The following ZNF710 variants were observed in gnomAD, a reference collection of about 807,000 sequenced individuals.
ZNF710 encodes the protein zinc finger protein 710.
ZNF710 carries 13 observed loss-of-function variants against 50.6 expected under a neutral mutation model. That is an observed-to-expected ratio of 0.26 (90% CI 0.17 to 0.41). The LOEUF is 0.41. ZNF710 is among the 10% of genes least tolerant of loss of function. The pLI is 1.00. For synonymous variants in ZNF710, 383 were observed against 397.0 expected, an observed-to-expected ratio of 0.96 and a Z score of 0.42; for missense variants, 721 against 936.6, an observed-to-expected ratio of 0.77 and a Z score of 3.01.
intron 1 of ZNF710, among the ~76,000 whole-genome samples, chr15:90,047,612 G>A (rs919447311): frequency 6.8e-5 from 10 of 146,422 alleles, no homozygotes; most frequent in African/African-American, 2.6e-4. Flanking sequence ...TTGAGACAGA[G>A]TCTTGCTCTG....
At chr15:90,078,116 C>T (rs997746784) in intron 4 of ZNF710, among the ~76,000 whole-genome samples, 2 of 149,314 alleles carry the variant, frequency 1.3e-5, no homozygotes, top group African/African-American at 4.9e-5. Context: ...GAGGCTGAGG[C>T]AGGAGAATCG....
chr15:90,022,204 C>T (rs922865937), intron 1 of ZNF710, among the ~76,000 whole-genome samples: 2 of 151,814 alleles, frequency 1.3e-5, no homozygotes, highest in Non-Finnish European at 2.9e-5. Flanking sequence ...AGTGAAACCC[C>T]ATCTCTACTA....
Position 90,068,233 on chromosome 15 carries a change from C to A in ZNF710, c.1096C>A (p.Leu366Ile). 6.2e-7 allele frequency: 1 copy of A among 1,613,638 alleles called. No homozygotes were observed. The change falls in exon 2 of 5, where the codon CTC becomes ATC. Residue 366 changes from leucine to isoleucine, a missense_variant. Leu to Ile is a conservative substitution (Grantham distance 5, BLOSUM62 2). Coordinates refer to ENST00000268154, the MANE Select transcript of ZNF710 (RefSeq NM_198526.4). The surrounding 1 kb of genome is among the most constrained non-coding windows in gnomAD (Gnocchi z 5.0). Reference sequence around the variant, plus strand: ...CAAGGCCTTCACGCAGACCAGCCACCTCAAGCGCCACATGCTGCTGCACTC... The same window carrying A: ...CAAGGCCTTCACGCAGACCAGCCACATCAAGCGCCACATGCTGCTGCACTC... ...CHKAFTQTSHLKRHMLLHSEV... is the reference protein window; with the variant it reads ...CHKAFTQTSHIKRHMLLHSEV...
At position 90,073,270 on chromosome 15, in the gene ZNF710, G is replaced by T. The variant is rs960949703; in HGVS notation, c.1650+8G>T. On this transcript the variant is annotated splice_region_variant and intron_variant, in intron 3 of 4. Transcript: ENST00000268154. ...AAGCCATTCAAATGCAAGGTACCCG[G>T]TCATCAGGCCCCGGGGCTGGGACCT... The T allele has an allele frequency of 1.2e-6, 2 of 1,609,568 alleles. No individual in the cohort carries two copies. Among genetic ancestry groups the T allele is most frequent in the Non-Finnish European group, 1.7e-6 (2 of 1,176,252 alleles).
At chr15:90,038,417 C>T (rs756676239) in intron 1 of ZNF710, among the ~76,000 whole-genome samples, 39 of 152,170 alleles carry the variant, frequency 2.6e-4, no homozygotes, top group Admixed American at 5.9e-4. Flanking sequence ...CTCTCTTTCA[C>T]GTGGTTTTGC....
At chr15:90,053,551 G>A (rs1482267916) in intron 1 of ZNF710, among the ~76,000 whole-genome samples, 1 of 152,072 alleles carries the variant, frequency 6.6e-6, no homozygotes, top group African/African-American at 2.4e-5. Flanking sequence ...TGTTGCCCAG[G>A]GTGGTCTCGA....
In ZNF710 at chr15:90,079,779, G is replaced by C; in HGVS notation, c.1945G>C (p.Val649Leu). ...ASVDSSAEASVLTEQAMKEMA... is the reference protein window; with the variant it reads ...ASVDSSAEASLLTEQAMKEMA... ...CGTGGACAGCAGCGCCGAGGCCAGTGTCCTCACTGAACAGGCCATGAAAGA... is the reference window on the plus strand; with the variant it reads ...CGTGGACAGCAGCGCCGAGGCCAGTCTCCTCACTGAACAGGCCATGAAAGA... Residue 649 changes from valine (V) to leucine (L), a missense_variant, in exon 5 of 5, where the codon GTC becomes CTC. This residue lies in a region of ZNF710 where 69 missense variants were observed against 67.6 expected (regional missense o/e 1.02). Coordinates refer to ENST00000268154, the MANE Select transcript of ZNF710 (RefSeq NM_198526.4). The C allele has an allele frequency of 6.2e-7, 1 of 1,612,844 alleles. No individual in the cohort carries two copies. Among genetic ancestry groups the C allele is most frequent in the Non-Finnish European group, 8.5e-7 (1 of 1,179,590 alleles).
chr15:90,023,437 T>C (rs966717072), intron 1 of ZNF710, among the ~76,000 whole-genome samples: 2 of 152,250 alleles, frequency 1.3e-5, no homozygotes, highest in African/African-American at 4.8e-5. Context: ...AGTTCTTGGC[T>C]ACATTCTGAG....
chr15:90,004,698 C>G (rs1898094801), intron 1 of ZNF710, among the ~76,000 whole-genome samples: 1 of 152,198 alleles, frequency 6.6e-6, no homozygotes, highest in Non-Finnish European at 1.5e-5. Flanking sequence ...AGAGCCTGTT[C>G]CCAGTGCTGT....
At chr15:90,024,361 C>T (rs1369723096) in intron 1 of ZNF710, among the ~76,000 whole-genome samples, 3 of 152,304 alleles carry the variant, frequency 2.0e-5, no homozygotes, top group South Asian at 2.1e-4. Context: ...TGGACCCGGA[C>T]CCCACCAGAC....
chr15:90,057,184 T>C (rs1899845966), intron 1 of ZNF710, among the ~76,000 whole-genome samples: 1 of 152,104 alleles, frequency 6.6e-6, no homozygotes, highest in Non-Finnish European at 1.5e-5. Flanking sequence ...CCCAAGTTCT[T>C]TCAGGGGATG....
chr15:90,067,206 C>A lies in ZNF710; in HGVS notation c.69C>A (p.Ala23=), dbSNP rs145448380. ...AVVVLSLAQA[A]VLGLVSENEL... ...TGGTGCTGTCCTTGGCTCAGGCCGC[C>A]GTGCTTGGCCTGGTCTCCGAAAATG... Residue 23 remains alanine, a synonymous_variant, in exon 2 of 5, where the codon GCC becomes GCA. Transcript: ENST00000268154. The surrounding 1 kb of genome is among the most constrained non-coding windows in gnomAD (Gnocchi z 8.1). 29 of 1,613,796 alleles carry A rather than the reference C, an allele frequency of 1.8e-5. No homozygotes were observed. The highest frequency in any genetic ancestry group is 2.2e-5 in the South Asian group (2 of 91,030).
chr15:90,002,376 G>A (rs1387465265), intron 1 of ZNF710: 2 of 151,128 alleles, frequency 1.3e-5, no homozygotes, highest in African/African-American at 4.9e-5. Flanking sequence ...CTCGCTGTCT[G>A]GGGGCGTGGG....
chr15:90,029,762 A>G (rs1898878824), intron 1 of ZNF710, among the ~76,000 whole-genome samples: 1 of 151,748 alleles, frequency 6.6e-6, no homozygotes, highest in African/African-American at 2.4e-5. Context: ...TTACAGGCAC[A>G]TGCCACCATG....
chr15:90,068,142 C>T lies in ZNF710; in HGVS notation c.1005C>T (p.Pro335=), dbSNP rs1900251280. 6.2e-7 allele frequency: 1 copy of T among 1,614,264 alleles called. No homozygotes were observed. Among genetic ancestry groups the T allele is most frequent in the Non-Finnish European group, 8.5e-7 (1 of 1,180,054 alleles). The change falls in exon 2 of 5, where the codon CCC becomes CCT. Residue 335 remains proline, a synonymous_variant. Coordinates refer to ENST00000268154, the MANE Select transcript of ZNF710 (RefSeq NM_198526.4). The surrounding 1 kb of genome is among the most constrained non-coding windows in gnomAD (Gnocchi z 5.0). ...ACTGCAGCAAGCTCTTCAAGCAGCC[C>T]AGCCACCTGCAGACGCACCTGCTGA... The part of the protein sequence containing the change: ...CPHCSKLFKQ[P]SHLQTHLLTH...
rs1900285120 is a variant in ZNF710, at chr15:90,068,995, A to AGGC, written c.1458+403_1458+405dup. On this transcript the variant is annotated intron_variant, in intron 2 of 4. Transcript: ENST00000268154. The surrounding 1 kb of genome is among the most constrained non-coding windows in gnomAD (Gnocchi z 5.0). ...GTAATCCCAGCACTTTGCGAGGCCAAGGCGGGCAGATCACCTGAGGTCAGG... is the reference window on the plus strand; with the variant it reads ...GTAATCCCAGCACTTTGCGAGGCCAAGGCGGCGGGCAGATCACCTGAGGTCAGG... Among the ~76,000 whole-genome samples, 1 of 152,168 alleles carries AGGC rather than the reference A, an allele frequency of 6.6e-6. No individual in the cohort carries two copies. The highest frequency in any genetic ancestry group is 1.5e-5 in the Non-Finnish European group (1 of 68,040).
At chr15:90,028,847 AT>A (rs1450128813) in intron 1 of ZNF710, among the ~76,000 whole-genome samples, 1 of 152,192 alleles carries the variant, frequency 6.6e-6, no homozygotes, top group Non-Finnish European at 1.5e-5. Context: ...TGGCATCCAG[AT>A]AAGGGAAAAC....
At chr15:90,058,025 C>T (rs1459785787) in intron 1 of ZNF710, among the ~76,000 whole-genome samples, 2 of 152,144 alleles carry the variant, frequency 1.3e-5, no homozygotes, top group Non-Finnish European at 2.9e-5. Flanking sequence ...CACCCTGTGG[C>T]AGTCAGACCC....
intron 1 of ZNF710, among the ~76,000 whole-genome samples, chr15:90,001,966 TGAGAGAGAGAGA>T (rs745830369): frequency 2.1e-5 from 2 of 96,844 alleles, no homozygotes; most frequent in South Asian, 7.1e-4. Context: ...AGCGCGCGAA[TGAGAGAGAGAGA>T]GAGAGAGAGA....
Sources: gnomAD v4.1 joint callset for allele counts (sites outside exome capture counted in the v4.1 genomes callset) on GRCh38, gnomAD v4.1.1 for gene constraint, gnomAD v4.1.1 regional missense constraint, Gnocchi (gnomAD v3.1) non-coding constraint, MANE v1.5 for transcripts, NCBI Gene and HGNC (gene_info 2026-07-23, HGNC 2026-07-21) for gene names.